The following UGT1A4 variants were observed in gnomAD, a reference collection of about 807,000 sequenced individuals.
UGT1A4 encodes the protein UDP-glucuronosyltransferase 1A4.
Under a neutral mutation model 41.1 loss-of-function variants are expected in UGT1A4, and 32 were observed. The ratio of observed to expected loss-of-function variants is 0.78; its 90% CI spans 0.59 to 1.05. UGT1A4 has a LOEUF of 1.05. UGT1A4 is among the 50% of genes least tolerant of loss of function. The pLI, the probability that UGT1A4 is intolerant of heterozygous loss-of-function variation, is 0.00. For synonymous variants in UGT1A4, 283 were observed against 265.1 expected, an observed-to-expected ratio of 1.07 and a Z score of -0.66; for missense variants, 748 against 677.4, an observed-to-expected ratio of 1.10 and a Z score of -1.16.
rs779192742 is a variant in UGT1A4 at position 233,719,027 on chromosome 2, C to CA, written c.210dup (p.Glu71ArgfsTer20). 5.0e-6 allele frequency: 8 copies of CA among 1,614,110 alleles called. No individual in the cohort carries two copies. The highest frequency in any genetic ancestry group is 1.3e-5 in the African/African-American group (1 of 74,938). On this transcript the variant is annotated frameshift_variant, in exon 1 of 5. Transcript: ENST00000373409. LOFTEE classifies it high-confidence loss of function. ...TCACCCCAGAGGTGAATATGCACAT[C>CA]AAAGAAGAGAAATTTTTCACCCTGA...
At chr2:233,770,500 A>AT (rs1700093584) in intron 4 of UGT1A4, 1 of 152,124 alleles carries the variant, frequency 6.6e-6, no homozygotes, top group Admixed American at 6.5e-5. Flanking sequence ...CCAAAAAAAT[A>AT]TAAAAAAATT....
At chr2:233,722,463 G>A (rs1258292673) in intron 1 of UGT1A4, among the ~76,000 whole-genome samples, 2 of 152,154 alleles carry the variant, frequency 1.3e-5, no homozygotes, top group Admixed American at 6.5e-5. Flanking sequence ...AATAACTGTG[G>A]AATTTGTATA....
chr2:233,745,932 CAGCTGGGGGTT>C (rs1347994151), intron 1 of UGT1A4, among the ~76,000 whole-genome samples: 3 of 151,404 alleles, frequency 2.0e-5, no homozygotes, highest in East Asian at 3.9e-4. Context: ...TCAGAAGGGA[CAGCTGGGGGTT>C]GGGCAACTGG....
At chr2:233,758,766 C>A (rs1239430775) in intron 1 of UGT1A4, among the ~76,000 whole-genome samples, 1 of 152,154 alleles carries the variant, frequency 6.6e-6, no homozygotes, top group Admixed American at 6.5e-5. Flanking sequence ...GTGTATGGTT[C>A]AAATGTTGGG....
In UGT1A4 at chr2:233,718,926, A is replaced by T; in HGVS notation, c.106A>T (p.Thr36Ser). 6.2e-7 allele frequency: 1 copy of T among 1,614,126 alleles called. No homozygotes were observed. The highest frequency in any genetic ancestry group is 8.5e-7 in the Non-Finnish European group (1 of 1,179,992). ...AESGKVLVVP[T>S]DGSPWLSMRE... The stretch of plus-strand genomic sequence containing the variant: ...GAGTGGAAAGGTGTTGGTGGTGCCC[A>T]CTGATGGCAGCCCCTGGCTCAGCAT... The change falls in exon 1 of 5, where the codon ACT becomes TCT. Residue 36 changes from threonine (T) to serine (S), a missense_variant. Coordinates refer to ENST00000373409, the MANE Select transcript of UGT1A4 (RefSeq NM_007120.3).
At chr2:233,742,158 AC>A (rs1177147410) in intron 1 of UGT1A4, among the ~76,000 whole-genome samples, 1 of 151,894 alleles carries the variant, frequency 6.6e-6, no homozygotes, top group Non-Finnish European at 1.5e-5. Flanking sequence ...CGAATTAAAG[AC>A]ACACACACAG....
intron 1 of UGT1A4, among the ~76,000 whole-genome samples, chr2:233,730,279 A>G (rs1016900889): frequency 6.6e-6 from 1 of 152,176 alleles, no homozygotes; most frequent in Non-Finnish European, 1.5e-5. Flanking sequence ...TAAAGGCACC[A>G]TCTTCATGGT....
intron 1 of UGT1A4, among the ~76,000 whole-genome samples, chr2:233,725,264 GGAGGCAGAGGCAGAGGCAGAGGCA>G (rs551912265): frequency 0.039 from 2,279 of 58,516 alleles, 576 homozygotes; most frequent in South Asian, 0.073. Context: ...CAGAGGCAGA[GGAGGCAGAGGCAGAGGCAGAGGCA>G]GAGGCAGAGG....
rs760444509 is a variant in UGT1A4 at position 233,769,505 on chromosome 2, C to G, written c.1307+1066C>G. The G allele has an allele frequency of 8.7e-6, 14 of 1,612,652 alleles. No individual in the cohort carries two copies. In the Admixed American group the frequency reaches 2.3e-4, roughly 27 times the overall value. ...CGTGTGTTTATGAGAGTGTCCATTG[C>G]TTTCTCCCATGGTTACCTCCTTTAG... On this transcript the variant is annotated intron_variant, in intron 4 of 4. Transcript: ENST00000373409. This position sits in a 1 kb window ranked among gnomAD's most constrained non-coding sequence, Gnocchi z 4.4.
intron 1 of UGT1A4, among the ~76,000 whole-genome samples, chr2:233,731,327 G>A (rs538271655): frequency 1.1e-4 from 17 of 148,560 alleles, no homozygotes; most frequent in African/African-American, 4.0e-4. Context: ...GGGTACATGT[G>A]CACAAATTGC....
chr2:233,722,742 T>C (rs1475183265), intron 1 of UGT1A4, among the ~76,000 whole-genome samples: 1 of 152,178 alleles, frequency 6.6e-6, no homozygotes, highest in African/African-American at 2.4e-5. Flanking sequence ...TTTGATGCAG[T>C]GACTGTCTAT....
chr2:233,754,833 T>C (rs1695605452), intron 1 of UGT1A4: 1 of 1,343,184 alleles, frequency 7.4e-7, no homozygotes, highest in African/African-American at 1.5e-5. Context: ...AGCTGGAAAT[T>C]CACTGAAGGC....
intron 1 of UGT1A4, 105 bp from the exon 2 acceptor site, chr2:233,766,924 ATGCCT>A: frequency 6.4e-7 from 1 of 1,565,450 alleles, no homozygotes; most frequent in Non-Finnish European, 8.6e-7. Context: ...TCAAACACGC[ATGCCT>A]TTAATCATAG....
chr2:233,745,013 A>G (rs1344188212), intron 1 of UGT1A4, among the ~76,000 whole-genome samples: 1 of 151,876 alleles, frequency 6.6e-6, no homozygotes, highest in Non-Finnish European at 1.5e-5. Context: ...TAATAAATGT[A>G]AATGCTATGT....
rs1337113701 is a variant in UGT1A4 at position 233,718,950 on chromosome 2, ATGCGGGAGGCCT to A, written c.139_150del (p.Ala47_Glu50del). On this transcript the variant is annotated inframe_deletion, in exon 1 of 5. Coordinates refer to ENST00000373409, the MANE Select transcript of UGT1A4 (RefSeq NM_007120.3). ...CACTGATGGCAGCCCCTGGCTCAGC[ATGCGGGAGGCCT>A]TGCGGGAGCTCCATGCCAGAGGCCA... The A allele has an allele frequency of 6.2e-7, 1 of 1,614,178 alleles. No individual in the cohort carries two copies.
intron 1 of UGT1A4, among the ~76,000 whole-genome samples, chr2:233,757,818 T>C (rs527929450): frequency 1.3e-5 from 2 of 151,564 alleles, no homozygotes; most frequent in East Asian, 3.9e-4. Flanking sequence ...GAGCTGGTAG[T>C]GTGTCTGATG....
At chr2:233,742,758 T>A (rs1302155264) in intron 1 of UGT1A4, 3 of 153,094 alleles carry the variant, frequency 2.0e-5, no homozygotes, top group African/African-American at 7.3e-5. Context: ...AATATTAAGA[T>A]AATAAATGCA....
intron 1 of UGT1A4, among the ~76,000 whole-genome samples, chr2:233,726,356 A>T (rs1313638283): frequency 1.3e-5 from 2 of 152,182 alleles, no homozygotes; most frequent in Non-Finnish European, 2.9e-5. Context: ...TTATTTATTT[A>T]AAACACAACA....
In UGT1A4 at chr2:233,760,344, G is replaced by A. The variant is rs897355036; in HGVS notation, c.868-6690G>A. The stretch of plus-strand genomic sequence containing the variant: ...TTGTCCTGGGCCTGCTGCTGTGTGT[G>A]CTGGGCCCAGTGGTGTCCCATGCTG... On this transcript the variant is annotated intron_variant, in intron 1 of 4. Transcript: ENST00000373409. 5.6e-6 allele frequency: 9 copies of A among 1,613,914 alleles called. No homozygotes were observed. The Admixed American group carries it at 1.3e-4, about 24-fold the overall frequency.
Sources: gnomAD v4.1 joint callset for allele counts (sites outside exome capture counted in the v4.1 genomes callset) on GRCh38, gnomAD v4.1.1 for gene constraint, Gnocchi (gnomAD v3.1) non-coding constraint, MANE v1.5 for transcripts, NCBI Gene and HGNC (gene_info 2026-07-23, HGNC 2026-07-21) for gene names.